PTPRD: variants seen among roughly 807,000 people sequenced by gnomAD.
The protein encoded by PTPRD is receptor-type tyrosine-protein phosphatase delta.
In PTPRD, 34 loss-of-function variants were observed where a neutral mutation model predicts 214.5. The ratio of observed to expected loss-of-function variants is 0.16; its 90% CI spans 0.12 to 0.21. PTPRD has a LOEUF of 0.21. Ranked by LOEUF, PTPRD falls within the 10% of genes least tolerant of loss-of-function variation. PTPRD has a pLI of 1.00. For missense variants in PTPRD, 2,545 were observed against 2,398.7 expected (o/e 1.06, Z -1.27); for synonymous variants, 1,128 against 845.7 (o/e 1.33, Z -5.79).
intron 4 of PTPRD, among the ~76,000 whole-genome samples, chr9:9,946,615 G>A (rs2092595466): frequency 6.6e-6 from 1 of 152,032 alleles, no homozygotes; most frequent in Non-Finnish European, 1.5e-5. Flanking sequence ...CCTTACTGCA[G>A]GTCTCCAGAC....
chr9:10,476,964 T>C (rs2099066862), intron 2 of PTPRD, among the ~76,000 whole-genome samples: 1 of 152,072 alleles, frequency 6.6e-6, no homozygotes, highest in South Asian at 2.1e-4. Flanking sequence ...ACCCCTTACT[T>C]AGACGTTATA....
At chr9:9,537,798 A>G (rs147876215) in intron 8 of PTPRD, among the ~76,000 whole-genome samples, 2,387 of 152,048 alleles carry the variant, frequency 0.016, 36 homozygotes, top group Admixed American at 0.025. Context: ...ACCACCCATT[A>G]TATAACTAAG....
At chr9:9,584,526 C>T (rs16929819) in intron 7 of PTPRD, among the ~76,000 whole-genome samples, 3,319 of 151,988 alleles carry the variant, frequency 0.022, 133 homozygotes, top group African/African-American at 0.075. Flanking sequence ...ACCTGCTTCT[C>T]TCTCCTGCTA....
At chr9:8,755,692 C>G (rs969755169) in intron 11 of PTPRD, among the ~76,000 whole-genome samples, 3 of 152,152 alleles carry the variant, frequency 2.0e-5, no homozygotes, top group African/African-American at 7.2e-5. Flanking sequence ...CTAGAAACAG[C>G]TTATTAATGC....
intron 3 of PTPRD, among the ~76,000 whole-genome samples, chr9:10,286,304 T>C (rs980288815): frequency 6.6e-6 from 1 of 151,990 alleles, no homozygotes; most frequent in Non-Finnish European, 1.5e-5. Flanking sequence ...TAGCCAGGCA[T>C]AGTGATATGT....
intron 37 of PTPRD, among the ~76,000 whole-genome samples, chr9:8,383,379 C>G (rs1564435524): frequency 6.6e-6 from 1 of 152,100 alleles, no homozygotes. Flanking sequence ...AAACTGTTAA[C>G]AAAGTGAAGT....
chr9:9,353,210 T>G (rs1012495529), intron 9 of PTPRD, among the ~76,000 whole-genome samples: 3 of 151,900 alleles, frequency 2.0e-5, no homozygotes, highest in African/African-American at 7.2e-5. Context: ...GTTACCAAAG[T>G]GCCAAAATAT....
At chr9:9,207,251 A>G (rs2099945430) in intron 9 of PTPRD, among the ~76,000 whole-genome samples, 2 of 152,172 alleles carry the variant, frequency 1.3e-5, no homozygotes, top group African/African-American at 4.8e-5. Flanking sequence ...TTCATTTTGA[A>G]CTTTTAATTA....
intron 4 of PTPRD, among the ~76,000 whole-genome samples, chr9:9,950,408 G>A (rs778896018): frequency 2.8e-4 from 43 of 152,120 alleles, no homozygotes; most frequent in Non-Finnish European, 5.3e-4. Context: ...ACTGTCTTAA[G>A]ACCTAGTTTA....
intron 2 of PTPRD, among the ~76,000 whole-genome samples, chr9:10,345,216 C>A (rs960819616): frequency 2.0e-5 from 3 of 152,052 alleles, no homozygotes; most frequent in Admixed American, 6.6e-5. Context: ...ATATTTCAGA[C>A]AACCTCAATT....
At chr9:8,433,523 C>CA (rs1267290832) in intron 35 of PTPRD, among the ~76,000 whole-genome samples, 3 of 152,106 alleles carry the variant, frequency 2.0e-5, no homozygotes, top group African/African-American at 7.2e-5. Context: ...TTCCAGTGGA[C>CA]AAAACGTGAA....
At chr9:9,929,584 G>C (rs1028270170) in intron 5 of PTPRD, among the ~76,000 whole-genome samples, 2 of 152,110 alleles carry the variant, frequency 1.3e-5, no homozygotes, top group Non-Finnish European at 2.9e-5. Context: ...AGTAGAGACA[G>C]GGTTTCACCA....
intron 3 of PTPRD, among the ~76,000 whole-genome samples, chr9:10,131,133 G>T (rs920081388): frequency 6.6e-6 from 1 of 152,126 alleles, no homozygotes; most frequent in African/African-American, 2.4e-5. Context: ...TTTCTGGGAG[G>T]AATAAAGAGA....
At chr9:10,301,751 C>A (rs2095868170) in intron 3 of PTPRD, among the ~76,000 whole-genome samples, 1 of 152,030 alleles carries the variant, frequency 6.6e-6, no homozygotes, top group African/African-American at 2.4e-5. Flanking sequence ...AACAAAGACT[C>A]CAGGAAATAT....
chr9:9,558,690 G>A (rs1056205504), intron 8 of PTPRD, among the ~76,000 whole-genome samples: 5 of 152,170 alleles, frequency 3.3e-5, no homozygotes, highest in Admixed American at 6.5e-5. Flanking sequence ...ACTGCCCTGA[G>A]TTTAGCTTAT....
At chr9:9,548,493 C>T (rs1485988004) in intron 8 of PTPRD, among the ~76,000 whole-genome samples, 4 of 149,986 alleles carry the variant, frequency 2.7e-5, no homozygotes, top group Non-Finnish European at 4.4e-5. Context: ...CTGTAACCTC[C>T]GCTTCCTGGG....
At chr9:9,931,467 AT>A (rs1256842210) in intron 5 of PTPRD, among the ~76,000 whole-genome samples, 24 of 152,172 alleles carry the variant, frequency 1.6e-4, no homozygotes, top group Non-Finnish European at 2.6e-4. Flanking sequence ...GGGGTGACAG[AT>A]GGCACCTGGA....
At chr9:10,568,241 T>A (rs1417443120) in intron 2 of PTPRD, among the ~76,000 whole-genome samples, 1 of 151,956 alleles carries the variant, frequency 6.6e-6, no homozygotes, top group Non-Finnish European at 1.5e-5. Flanking sequence ...CTTGTGATAG[T>A]TTGCCAAGAA....
At chr9:9,941,620 G>A (rs949176637) in intron 4 of PTPRD, among the ~76,000 whole-genome samples, 6 of 152,178 alleles carry the variant, frequency 3.9e-5, no homozygotes, top group Non-Finnish European at 8.8e-5. Context: ...ACTGAGCCCA[G>A]CCAAATGTGT....
Sources: allele counts gnomAD v4.1 joint callset (sites outside exome capture counted in the v4.1 genomes callset), GRCh38; gene constraint gnomAD v4.1.1; transcripts MANE v1.5; gene names NCBI Gene and HGNC (gene_info 2026-07-23, HGNC 2026-07-21).